Variants in DIP2C observed in about 807,000 individuals in gnomAD.
The protein encoded by DIP2C is DIP2 acetate--CoA ligase C (putative), also known as disco-interacting protein 2 homolog C.
Under a neutral mutation model 192.4 loss-of-function variants are expected in DIP2C, and 33 were observed. That is an observed-to-expected ratio of 0.17 (90% CI 0.13 to 0.23). The LOEUF is 0.23. DIP2C is among the 10% of genes least tolerant of loss of function. The pLI is 1.00. For synonymous variants in DIP2C, 979 were observed against 864.1 expected (o/e 1.13, Z -2.33); for missense variants, 1,537 against 2,110.1 (o/e 0.73, Z 5.32).
Position 563,608 on chromosome 10 carries a change from C to T in DIP2C, c.86-77078G>A, listed in dbSNP as rs913022520. On this transcript the variant is annotated intron_variant, in intron 1 of 36. Coordinates refer to ENST00000280886, the MANE Select transcript of DIP2C (RefSeq NM_014974.3). The stretch of plus-strand genomic sequence containing the variant: ...ATATAATTATAGCAGAATTTCACAA[C>T]AATGAAAATGAAAAAGAAACCAAAG... 3.9e-5 allele frequency among the ~76,000 whole-genome samples: 6 copies of T among 152,062 alleles called. 1 individual carries two copies. The highest frequency in any genetic ancestry group is 1.4e-4 in the African/African-American group (6 of 41,396).
chr10:530,226 A>G (rs1157344344), intron 1 of DIP2C, among the ~76,000 whole-genome samples: 1 of 152,174 alleles, frequency 6.6e-6, no homozygotes, highest in South Asian at 2.1e-4. Context: ...CAACTAACAC[A>G]TTTCCCAGAT....
At chr10:386,022 C>G (rs553196382) in intron 14 of DIP2C, among the ~76,000 whole-genome samples, 38 of 152,306 alleles carry the variant, frequency 2.5e-4, no homozygotes, top group African/African-American at 9.1e-4. Context: ...CAGCTGTACC[C>G]CGGAGCACGG....
chr10:451,646 G>C, intron 3 of DIP2C, among the ~76,000 whole-genome samples: 1 of 152,168 alleles, frequency 6.6e-6, no homozygotes, highest in Non-Finnish European at 1.5e-5. Context: ...AGCCATTTCA[G>C]GATGACAAGA....
intron 1 of DIP2C, among the ~76,000 whole-genome samples, chr10:551,490 A>C (rs1848584226): frequency 7.2e-6 from 1 of 138,054 alleles, no homozygotes; most frequent in African/African-American, 3.4e-5. Flanking sequence ...AGCTGGAAGC[A>C]GGATCCCAAA....
At chr10:571,058 G>C (rs756385405) in intron 1 of DIP2C, among the ~76,000 whole-genome samples, 2 of 152,224 alleles carry the variant, frequency 1.3e-5, no homozygotes, top group Non-Finnish European at 2.9e-5. Context: ...AACGACACGA[G>C]AGTGGTGCCC....
chr10:552,179 T>G (rs928113861), intron 1 of DIP2C, among the ~76,000 whole-genome samples: 1 of 152,230 alleles, frequency 6.6e-6, no homozygotes, highest in Non-Finnish European at 1.5e-5. Context: ...TGGCAACTAA[T>G]CTGAGATTTA....
intron 1 of DIP2C, among the ~76,000 whole-genome samples, chr10:640,007 C>G (rs1588655508): frequency 6.6e-6 from 1 of 151,600 alleles, no homozygotes; most frequent in African/African-American, 2.4e-5. Flanking sequence ...GTGCATGTCC[C>G]TCCACGCATC....
At chr10:442,357 T>C (rs1967814323) in intron 3 of DIP2C, among the ~76,000 whole-genome samples, 1 of 151,976 alleles carries the variant, frequency 6.6e-6, no homozygotes, top group Admixed American at 6.6e-5. Context: ...TTGTGCGTAC[T>C]TCTCTCTCTA....
chr10:389,164 C>T (rs1020865632), intron 13 of DIP2C, among the ~76,000 whole-genome samples: 1 of 150,152 alleles, frequency 6.7e-6, no homozygotes, highest in African/African-American at 2.5e-5. Flanking sequence ...TCTGGGGTCT[C>T]AAAGGGCCTC....
rs773926620 is a variant in DIP2C, at chr10:356,465, G to A, written c.2946C>T (p.Thr982=). 2 of 1,612,136 alleles carry A rather than the reference G, an allele frequency of 1.2e-6. No individual in the cohort carries two copies. The highest frequency in any genetic ancestry group is 2.2e-5 in the South Asian group (2 of 91,068). ...GCGTGTAGAGGATGTGGTCCGGGGTGGTCTGTGCTCTCCACTGCAAGACCT... is the reference window on the plus strand; with the variant it reads ...GCGTGTAGAGGATGTGGTCCGGGGTAGTCTGTGCTCTCCACTGCAAGACCT... ...LSEVLQWRAQ[T]TPDHILYTLL... The change falls in exon 24 of 37, where the codon ACC becomes ACT. Residue 982 remains threonine (T), a synonymous_variant. Coordinates refer to ENST00000280886, the MANE Select transcript of DIP2C (RefSeq NM_014974.3).
chr10:588,533 T>C (rs1052027131), intron 1 of DIP2C, among the ~76,000 whole-genome samples: 3 of 152,158 alleles, frequency 2.0e-5, no homozygotes, highest in African/African-American at 7.2e-5. Context: ...GCGGCTTGGG[T>C]CCCTGCCGGG....
chr10:367,143 C>T (rs571334161), intron 18 of DIP2C, among the ~76,000 whole-genome samples: 4 of 152,326 alleles, frequency 2.6e-5, no homozygotes, highest in African/African-American at 4.8e-5. Context: ...TAAGGCCGGA[C>T]GCGGTGGCTC....
At chr10:545,166 C>CTTTTTTTTTTTTTTT (rs60185327) in intron 1 of DIP2C, among the ~76,000 whole-genome samples, 15 of 86,336 alleles carry the variant, frequency 1.7e-4, no homozygotes, top group South Asian at 4.0e-4. Flanking sequence ...GGTGTTTTCC[C>CTTTTTTTTTTTTTTT]TTTTTTTTTT....
rs60702184 is a variant in DIP2C at position 621,112 on chromosome 10, C to T, written c.85+68382G>A. ...GTGCAGTCTTCAGAGAGGGAGACCC[C>T]GACCCAAGGGGCCACTGACGGACTC... On this transcript the variant is annotated intron_variant, in intron 1 of 36. Transcript: ENST00000280886. 3.9e-5 allele frequency among the ~76,000 whole-genome samples: 6 copies of T among 152,114 alleles called. No individual in the cohort carries two copies. The South Asian group carries it at 8.3e-4, about 21-fold the overall frequency.
intron 1 of DIP2C, among the ~76,000 whole-genome samples, chr10:583,758 T>C (rs1269263961): frequency 6.6e-6 from 1 of 152,148 alleles, no homozygotes; most frequent in Non-Finnish European, 1.5e-5. Flanking sequence ...AGGTATTAAA[T>C]GAGTTATCAA....
chr10:637,614 C>G (rs553646247), intron 1 of DIP2C, among the ~76,000 whole-genome samples: 16 of 152,346 alleles, frequency 1.1e-4, no homozygotes, highest in Admixed American at 6.5e-4. Context: ...AAAGCTCCCC[C>G]TCCTAGCACC....
At chr10:608,130 AACACACACACAGCCCCCCC>A (rs1319801454) in intron 1 of DIP2C, among the ~76,000 whole-genome samples, 10 of 96,700 alleles carry the variant, frequency 1.0e-4, no homozygotes, top group African/African-American at 7.4e-4. Flanking sequence ...ACACAGCCCC[AACACACACACAGCCCCCCC>A]ACACACACCC....
chr10:362,807 T>C, intron 21 of DIP2C, 116 bp from the exon 22 acceptor site: 1 of 1,172,046 alleles, frequency 8.5e-7, no homozygotes, highest in Non-Finnish European at 1.2e-6. Context: ...TAAGCACTGT[T>C]CCCAGCATAA....
chr10:580,826 G>C (rs187835794), intron 1 of DIP2C, among the ~76,000 whole-genome samples: 322 of 152,244 alleles, frequency 2.1e-3, no homozygotes, highest in African/African-American at 7.6e-3. Context: ...CAGTGAGAAG[G>C]GCGCAACCAC....
Sources: allele counts gnomAD v4.1 joint callset (sites outside exome capture counted in the v4.1 genomes callset), GRCh38; gene constraint gnomAD v4.1.1; transcripts MANE v1.5; gene names NCBI Gene and HGNC (gene_info 2026-07-23, HGNC 2026-07-21).